Variants in DENND6A observed in about 807,000 individuals in gnomAD.
DENND6A encodes the protein DENN domain containing 6A.
In DENND6A, 43 loss-of-function variants were observed where a neutral mutation model predicts 95.5. The observed-to-expected ratio is 0.45, with a 90% CI of 0.35 to 0.58. The LOEUF is 0.58. Ranked by LOEUF, DENND6A falls within the 20% of genes least tolerant of loss-of-function variation. The probability of loss-of-function intolerance (pLI) is 0.00; values close to 1 mark genes in which losing one functional copy is unlikely to be tolerated. For missense variants in DENND6A, 574 were observed against 736.0 expected (o/e 0.78, Z 2.55); for synonymous variants, 257 against 260.4 (o/e 0.99, Z 0.13).
rs764327576 is a variant in DENND6A, at chr3:57,646,369, C to T, written c.888G>A (p.Val296=). The part of the protein sequence containing the change: ...WELVLLGEPL[V]VMAPSPSESS... ...ATTCCGATGGTGATGGCGCCATAACCACAAGGGGCTCCCCCAACAGCACCA... is the reference window on the plus strand; with the variant it reads ...ATTCCGATGGTGATGGCGCCATAACTACAAGGGGCTCCCCCAACAGCACCA... The change falls in exon 10 of 20, where the codon GTG becomes GTA. Residue 296 remains valine, a synonymous_variant. Coordinates refer to ENST00000311128, the MANE Select transcript of DENND6A (RefSeq NM_152678.3). 17 of 1,613,942 alleles carry T rather than the reference C, an allele frequency of 1.1e-5. No individual in the cohort carries two copies. In the South Asian group the frequency reaches 1.8e-4, roughly 17 times the overall value.
At chr3:57,648,356 C>T (rs1484908342) in intron 9 of DENND6A, among the ~76,000 whole-genome samples, 1 of 152,080 alleles carries the variant, frequency 6.6e-6, no homozygotes, top group African/African-American at 2.4e-5. Context: ...ACAGACGACA[C>T]AAACAAATGG....
chr3:57,639,757 C>G (rs2070883271), intron 12 of DENND6A, among the ~76,000 whole-genome samples: 1 of 151,720 alleles, frequency 6.6e-6, no homozygotes, highest in Non-Finnish European at 1.5e-5. Context: ...TTCTGATTGC[C>G]AAGATGAAGC....
At chr3:57,675,098 ATG>A (rs1407338689) in intron 1 of DENND6A, among the ~76,000 whole-genome samples, 6 of 152,366 alleles carry the variant, frequency 3.9e-5, no homozygotes, top group Admixed American at 3.9e-4. Flanking sequence ...GTACATGTTT[ATG>A]TAACAAACTT....
intron 5 of DENND6A, among the ~76,000 whole-genome samples, 155 bp downstream of exon 5, chr3:57,663,481 A>ATAT (rs1164861855): frequency 9.1e-4 from 109 of 119,980 alleles, no homozygotes; most frequent in African/African-American, 4.4e-3. Context: ...AAAAAAAAAA[A>ATAT]AAAAAAATAT....
intron 7 of DENND6A, among the ~76,000 whole-genome samples, chr3:57,659,408 G>A (rs1559819599): frequency 6.6e-6 from 1 of 152,016 alleles, no homozygotes; most frequent in African/African-American, 2.4e-5. Flanking sequence ...AACTCCCTGA[G>A]AAGCAAGTAT....
intron 1 of DENND6A, among the ~76,000 whole-genome samples, chr3:57,679,270 T>C (rs1480358471): frequency 6.6e-6 from 1 of 152,230 alleles, no homozygotes; most frequent in Non-Finnish European, 1.5e-5. Context: ...TTTATCTTTC[T>C]AGCTTTTAGG....
intron 1 of DENND6A, among the ~76,000 whole-genome samples, chr3:57,679,311 C>T (rs1302969636): frequency 6.6e-6 from 1 of 152,196 alleles, no homozygotes; most frequent in Non-Finnish European, 1.5e-5. Context: ...TCCCACCTGC[C>T]CTCACAGAAG....
chr3:57,660,086 A>T (rs1457965555), intron 7 of DENND6A, among the ~76,000 whole-genome samples: 2 of 152,198 alleles, frequency 1.3e-5, no homozygotes, highest in African/African-American at 4.8e-5. Flanking sequence ...ATGTATTGCA[A>T]TATCTCTATA....
intron 1 of DENND6A, among the ~76,000 whole-genome samples, chr3:57,675,426 C>T (rs2071692714): frequency 6.6e-6 from 1 of 152,170 alleles, no homozygotes; most frequent in South Asian, 2.1e-4. Context: ...CTGACTCCAA[C>T]AAGTAATACA....
chr3:57,638,690 T>A (rs1447680161), intron 12 of DENND6A, among the ~76,000 whole-genome samples: 5 of 150,972 alleles, frequency 3.3e-5, no homozygotes, highest in Non-Finnish European at 7.4e-5. Context: ...AATAAATAAA[T>A]AAAATGGCCA....
intron 4 of DENND6A, among the ~76,000 whole-genome samples, 178 bp from the exon 5 acceptor site, chr3:57,663,894 CAGCAACAGCCAG>C (rs2071480171): frequency 6.6e-6 from 1 of 152,082 alleles, no homozygotes; most frequent in East Asian, 1.9e-4. Context: ...ATAATCATGA[CAGCAACAGCCAG>C]ATCAGAACCT....
rs1559826550 is a variant in DENND6A, at chr3:57,672,278, C to T, written c.297G>A (p.Leu99=). ...TACCTGAATTTGAATCTGGAAAAGA[C>T]AAATAGCAAATATTGGTTTTCTGAA... ...TDREKTNICY[L]SFPDSNSGCL... is the part of the protein sequence containing the mutation. The change falls in exon 3 of 20, where the codon TTG becomes TTA. Residue 99 remains leucine, a synonymous_variant. Coordinates refer to ENST00000311128, the MANE Select transcript of DENND6A (RefSeq NM_152678.3). The T allele has an allele frequency of 6.2e-7, 1 of 1,609,780 alleles. No homozygotes were observed. The highest frequency in any genetic ancestry group is 8.5e-7 in the Non-Finnish European group (1 of 1,178,674).
intron 1 of DENND6A, among the ~76,000 whole-genome samples, chr3:57,685,847 A>AC (rs532423428): frequency 2.0e-5 from 3 of 152,210 alleles, no homozygotes; most frequent in Non-Finnish European, 4.4e-5. Flanking sequence ...AGCCATACAT[A>AC]GTTTGAAAAC....
At chr3:57,670,134 T>C (rs535401566) in intron 3 of DENND6A, among the ~76,000 whole-genome samples, 3 of 151,896 alleles carry the variant, frequency 2.0e-5, no homozygotes, top group Non-Finnish European at 2.9e-5. Context: ...AAACTAGATA[T>C]AGGCTATCTA....
At chr3:57,640,598 C>T (rs992799339) in intron 12 of DENND6A, among the ~76,000 whole-genome samples, 1 of 152,028 alleles carries the variant, frequency 6.6e-6, no homozygotes, top group Admixed American at 6.6e-5. Flanking sequence ...AAATGTAGTA[C>T]ATTATAAAGT....
In DENND6A at chr3:57,638,160, C is replaced by T. The variant is rs144122330; in HGVS notation, c.1133-3391G>A. On this transcript the variant is annotated intron_variant, in intron 12 of 19. Coordinates refer to ENST00000311128, the MANE Select transcript of DENND6A (RefSeq NM_152678.3). ...AAAAATAAATAAATAAAATAAACTT[C>T]TGTGCATCAAAGGACACCATCAAGA... 1.3e-4 allele frequency among the ~76,000 whole-genome samples: 19 copies of T among 151,828 alleles called. No individual in the cohort carries two copies. The East Asian group carries it at 2.7e-3, about 22-fold the overall frequency.
rs150255765 is a variant in DENND6A, at chr3:57,681,000, T to C, written c.238-8562A>G. ...GGAAGTTTCTCAAGAAGTTACAACA[T>C]AGAGTTACAGTATAGCCCTGCAATT... is the stretch of plus-strand genomic sequence containing the variant. On this transcript the variant is annotated intron_variant, in intron 1 of 19. Coordinates refer to ENST00000311128, the MANE Select transcript of DENND6A (RefSeq NM_152678.3). 1.8e-3 allele frequency among the ~76,000 whole-genome samples: 274 copies of C among 152,256 alleles called. 1 individual carries two copies. The highest frequency in any genetic ancestry group is 0.017 in the Middle Eastern group (5 of 294).
intron 1 of DENND6A, among the ~76,000 whole-genome samples, chr3:57,689,473 T>A (rs2077241348): frequency 6.6e-6 from 1 of 152,188 alleles, no homozygotes; most frequent in Non-Finnish European, 1.5e-5. Context: ...TCTGTGGTAA[T>A]GCCTCCAGAG....
intron 1 of DENND6A, among the ~76,000 whole-genome samples, chr3:57,675,664 G>A (rs1266878158): frequency 6.6e-6 from 1 of 152,144 alleles, no homozygotes; most frequent in African/African-American, 2.4e-5. Context: ...AGCAGGGCTA[G>A]GTCAGATCAG....
Sources: gnomAD v4.1 joint callset for allele counts (sites outside exome capture counted in the v4.1 genomes callset) on GRCh38, gnomAD v4.1.1 for gene constraint, MANE v1.5 for transcripts, NCBI Gene and HGNC (gene_info 2026-07-23, HGNC 2026-07-21) for gene names.